JMY: variants seen among roughly 807,000 people sequenced by gnomAD.
JMY encodes junction-mediating and -regulatory protein.
A neutral mutation model predicts 103.3 loss-of-function variants in JMY; 46 were observed. The ratio of observed to expected loss-of-function variants is 0.45; its 90% CI spans 0.35 to 0.57. The LOEUF (loss-of-function observed/expected upper bound fraction) is 0.57, where lower values mean the gene tolerates loss of function less well. Ranked by LOEUF, JMY falls within the 20% of genes least tolerant of loss-of-function variation. The pLI is 0.00. For missense variants in JMY, 1,238 were observed against 1,255.2 expected (o/e 0.99, Z 0.21); for synonymous variants, 526 against 489.3 (o/e 1.07, Z -0.99).
chr5:79,291,467 G>A (rs1211568866), intron 4 of JMY, among the ~76,000 whole-genome samples, 168 bp downstream of exon 4: 1 of 152,206 alleles, frequency 6.6e-6, no homozygotes, highest in African/African-American at 2.4e-5. Flanking sequence ...AGAAGAGTTA[G>A]ACGTAGCGTA....
At chr5:79,240,279 G>A (rs1381585883) in intron 1 of JMY, among the ~76,000 whole-genome samples, 1 of 151,962 alleles carries the variant, frequency 6.6e-6, no homozygotes, top group Non-Finnish European at 1.5e-5. Context: ...TTCCCAAAGT[G>A]CTAGAATTAC....
chr5:79,309,586 C>T (rs1475511132), intron 7 of JMY, among the ~76,000 whole-genome samples: 1 of 152,144 alleles, frequency 6.6e-6, no homozygotes, highest in African/African-American at 2.4e-5. Context: ...AATTTTCTGT[C>T]TTTAGCATCA....
Position 79,277,906 on chromosome 5 carries a change from A to G in JMY, c.1033-4A>G, listed in dbSNP as rs748919353. On this transcript the variant is annotated splice_region_variant and splice_polypyrimidine_tract_variant and intron_variant, in intron 1 of 10. Coordinates refer to ENST00000396137, the MANE Select transcript of JMY (RefSeq NM_152405.5). ...CTTAGTTGTGAAACTGTCTTGTTCCACAGCTCTTGGATAAGCACAAGAATA... is the reference window on the plus strand; with the variant it reads ...CTTAGTTGTGAAACTGTCTTGTTCCGCAGCTCTTGGATAAGCACAAGAATA... 2.8e-5 allele frequency: 45 copies of G among 1,605,094 alleles called. No homozygotes were observed. Among genetic ancestry groups the G allele is most frequent in the African/African-American group, 1.9e-4 (14 of 74,694 alleles).
At chr5:79,302,440 C>T (rs1028859270) in intron 6 of JMY, among the ~76,000 whole-genome samples, 3 of 152,076 alleles carry the variant, frequency 2.0e-5, no homozygotes, top group Non-Finnish European at 4.4e-5. Flanking sequence ...AGTGTTCTGC[C>T]GGCCAAAAAC....
intron 1 of JMY, among the ~76,000 whole-genome samples, chr5:79,267,049 T>C (rs1248760637): frequency 6.6e-6 from 1 of 152,184 alleles, no homozygotes; most frequent in South Asian, 2.1e-4. Flanking sequence ...TACAGAAAAA[T>C]TGAGCAGATA....
chr5:79,260,559 T>G (rs1402298056), intron 1 of JMY, among the ~76,000 whole-genome samples: 1 of 148,514 alleles, frequency 6.7e-6, no homozygotes, highest in East Asian at 2.0e-4. Flanking sequence ...TTTTGTGGGT[T>G]TTTTTTTTTT....
At chr5:79,265,106 C>T (rs1027273989) in intron 1 of JMY, among the ~76,000 whole-genome samples, 6 of 151,942 alleles carry the variant, frequency 3.9e-5, no homozygotes, top group South Asian at 2.1e-4. Flanking sequence ...TTTGTATTTT[C>T]AGTAGAGACA....
rs1410932737 is a variant in JMY, at chr5:79,270,534, T to C, written c.1033-7376T>C. ...TAAATATTTAAAATATATATTTACATAAATATTTAAAATGTATATTTACAT... is the reference window on the plus strand; with the variant it reads ...TAAATATTTAAAATATATATTTACACAAATATTTAAAATGTATATTTACAT... On this transcript the variant is annotated intron_variant, in intron 1 of 10. Coordinates refer to ENST00000396137, the MANE Select transcript of JMY (RefSeq NM_152405.5). 1.1e-4 allele frequency among the ~76,000 whole-genome samples: 11 copies of C among 103,140 alleles called. 3 individuals carry two copies. The highest frequency in any genetic ancestry group is 7.6e-4 in the East Asian group (3 of 3,954). The allele number at this position is 103,140 out of a possible 152,430, so 67.7% of individuals were successfully genotyped here.
At chr5:79,278,386 TTTCC>T (rs1192577202) in intron 2 of JMY, among the ~76,000 whole-genome samples, 3 of 151,770 alleles carry the variant, frequency 2.0e-5, no homozygotes, top group African/African-American at 7.3e-5. Context: ...TTTCCTGCAC[TTTCC>T]TTCCTCCTCT....
At position 79,236,957 on chromosome 5, in the gene JMY, G is replaced by T; in HGVS notation, c.307G>T (p.Gly103Trp). 1 of 1,447,182 alleles carries T rather than the reference G, an allele frequency of 6.9e-7. No homozygotes were observed. The highest frequency in any genetic ancestry group is 1.5e-5 in the South Asian group (1 of 67,540). The allele number at this position is 1,447,182 out of a possible 1,614,324, so 89.6% of individuals were successfully genotyped here. A position where few individuals can be genotyped will look rare whatever the true frequency, so the allele number is the denominator to read the frequency against. The change falls in exon 1 of 11, where the codon GGG (glycine) becomes TGG (tryptophan). Residue 103 changes from glycine to tryptophan, a missense_variant. Coordinates refer to ENST00000396137, the MANE Select transcript of JMY (RefSeq NM_152405.5). ...CTCTGCAACTCTGGTTAGGAGCCCC[G>T]GGCCCCGGCGGAGCTCGGCCTGGGC... ...TASATLVRSP[G>W]PRRSSAWAEG...
At chr5:79,291,085 TAAG>T (rs2112098531) in intron 3 of JMY, 42 bp from the exon 4 acceptor site, 1 of 1,370,304 alleles carries the variant, frequency 7.3e-7, no homozygotes, top group Non-Finnish European at 9.9e-7. Context: ...GCTTCAGTAT[TAAG>T]TTGTTATTTG....
rs981892770 is a variant in JMY at position 79,323,530 on chromosome 5, A to G, written c.*1928A>G. 2 of 152,234 alleles carry G rather than the reference A, an allele frequency of 1.3e-5. No individual in the cohort carries two copies. The highest frequency in any genetic ancestry group is 2.4e-5 in the African/African-American group (1 of 41,464). 9.4% of individuals were successfully genotyped at this position (152,234 alleles called of 1,614,324 possible). On this transcript the variant is annotated 3_prime_UTR_variant, in exon 11 of 11. Transcript: ENST00000396137. ...TTGAAAAAGTTAAAGCAAATTTGCA[A>G]ACCTTTACAAAATCATGTATCAATT...
intron 6 of JMY, among the ~76,000 whole-genome samples, chr5:79,302,128 A>G (rs188455621): frequency 2.0e-5 from 3 of 150,798 alleles, no homozygotes; most frequent in Non-Finnish European, 3.0e-5. Flanking sequence ...AGCAGGTCTT[A>G]TAGAACAGTT....
intron 6 of JMY, among the ~76,000 whole-genome samples, chr5:79,304,474 G>A (rs998601642): frequency 1.3e-5 from 2 of 151,960 alleles, no homozygotes; most frequent in Non-Finnish European, 2.9e-5. Flanking sequence ...GGTGGTCCCC[G>A]GCTGTGCTGG....
At chr5:79,246,446 C>G (rs995464816) in intron 1 of JMY, among the ~76,000 whole-genome samples, 8 of 152,148 alleles carry the variant, frequency 5.3e-5, no homozygotes, top group Non-Finnish European at 1.2e-4. Context: ...GTAGATTAGA[C>G]AGTAAGAGGT....
chr5:79,301,195 T>C (rs1746722750), intron 6 of JMY, among the ~76,000 whole-genome samples: 1 of 152,210 alleles, frequency 6.6e-6, no homozygotes, highest in Admixed American at 6.5e-5. Flanking sequence ...TTAAAGAATT[T>C]TATAGATTGT....
At chr5:79,247,592 T>C (rs1307970596) in intron 1 of JMY, among the ~76,000 whole-genome samples, 2 of 152,130 alleles carry the variant, frequency 1.3e-5, no homozygotes, top group Non-Finnish European at 2.9e-5. Context: ...ATTGGGATTA[T>C]AAACGTGAGC....
chr5:79,275,714 C>CAAAAAT (rs1745918595), intron 1 of JMY, among the ~76,000 whole-genome samples: 1 of 152,104 alleles, frequency 6.6e-6, no homozygotes, highest in Admixed American at 6.5e-5. Context: ...TTAGCTAATA[C>CAAAAAT]TAGAGAAGTC....
intron 1 of JMY, among the ~76,000 whole-genome samples, chr5:79,268,834 A>C (rs924466329): frequency 2.6e-5 from 4 of 152,030 alleles, no homozygotes; most frequent in Admixed American, 2.0e-4. Flanking sequence ...TTTCAATGAG[A>C]TATTTTGCCC....
Sources: gnomAD v4.1 joint callset for allele counts (sites outside exome capture counted in the v4.1 genomes callset) on GRCh38, gnomAD v4.1.1 for gene constraint, MANE v1.5 for transcripts, NCBI Gene and HGNC (gene_info 2026-07-23, HGNC 2026-07-21) for gene names.